The following TAF15 variants were observed in gnomAD, a reference collection of about 807,000 sequenced individuals.
The protein encoded by TAF15 is TATA-box binding protein associated factor 15.
In TAF15, 37 loss-of-function variants were observed where a neutral mutation model predicts 102.5. The observed-to-expected ratio is 0.36, with a 90% CI of 0.28 to 0.47. TAF15 has a LOEUF of 0.47. TAF15 is among the 20% of genes least tolerant of loss of function. The pLI is 0.99. For synonymous variants in TAF15, 273 were observed against 259.2 expected, an observed-to-expected ratio of 1.05 and a Z score of -0.51; for missense variants, 652 against 760.7, an observed-to-expected ratio of 0.86 and a Z score of 1.68.
At chr17:35,813,177 A>G (rs1457611248) in intron 1 of TAF15, among the ~76,000 whole-genome samples, 1 of 152,054 alleles carries the variant, frequency 6.6e-6, no homozygotes, top group Non-Finnish European at 1.5e-5. Flanking sequence ...ATAGATTTGA[A>G]AAAGAATCAA....
chr17:35,813,821 T>G (rs2087157287), intron 1 of TAF15, among the ~76,000 whole-genome samples: 1 of 152,144 alleles, frequency 6.6e-6, no homozygotes, highest in African/African-American at 2.4e-5. Context: ...TACATTGATG[T>G]AAAAATGCAG....
At chr17:35,817,834 G>C in intron 2 of TAF15, 79 bp downstream of exon 2, 2 of 1,221,796 alleles carry the variant, frequency 1.6e-6, no homozygotes, top group Non-Finnish European at 2.4e-6. Flanking sequence ...CTTGAGACTT[G>C]ATGCTGGATG....
At position 35,838,668 on chromosome 17, in the gene TAF15, T is replaced by A. The variant is rs1236834900; in HGVS notation, c.913+115T>A. Reference sequence around the variant, plus strand: ...TATTCATGTTTACTTTTGCAGATATTAAGAATACAGGTCAGAATTTTTATG... The same window carrying A: ...TATTCATGTTTACTTTTGCAGATATAAAGAATACAGGTCAGAATTTTTATG... On this transcript the variant is annotated intron_variant, in intron 11 of 15. Coordinates refer to ENST00000605844, the MANE Select transcript of TAF15 (RefSeq NM_139215.3). The A allele has an allele frequency of 4.0e-6, 6 of 1,488,248 alleles. No individual in the cohort carries two copies. The African/African-American group carries it at 4.1e-5, about 10-fold the overall frequency. 92.2% of individuals were successfully genotyped at this position (1,488,248 alleles called of 1,614,324 possible).
intron 7 of TAF15, among the ~76,000 whole-genome samples, chr17:35,832,386 A>C (rs1434170015): frequency 3.9e-5 from 6 of 152,216 alleles, no homozygotes; most frequent in Non-Finnish European, 8.8e-5. Flanking sequence ...ATTAAAATGC[A>C]TGTGTCTGTA....
chr17:35,824,205 A>C lies in TAF15; in HGVS notation c.605+7A>C. ...GTCCTATGACAGGATCAAGGTAAGT[A>C]TGTAGATAAAGATGCGTACATTTCT... On this transcript the variant is annotated splice_region_variant and intron_variant, in intron 7 of 15. Coordinates refer to ENST00000605844, the MANE Select transcript of TAF15 (RefSeq NM_139215.3). 1.9e-6 allele frequency: 3 copies of C among 1,612,752 alleles called. No individual in the cohort carries two copies. Among genetic ancestry groups the C allele is most frequent in the Non-Finnish European group, 2.5e-6 (3 of 1,179,708 alleles).
intron 2 of TAF15, among the ~76,000 whole-genome samples, chr17:35,819,736 T>C (rs1374561334): frequency 6.6e-6 from 1 of 152,232 alleles, no homozygotes. Flanking sequence ...AGCATAATTC[T>C]CTTGGAATTT....
At chr17:35,817,989 A>G (rs2087214648) in intron 2 of TAF15, among the ~76,000 whole-genome samples, 1 of 151,996 alleles carries the variant, frequency 6.6e-6, no homozygotes, top group South Asian at 2.1e-4. Context: ...GTGGCAAATC[A>G]TAGTGTACTA....
At chr17:35,824,367 A>G (rs2087300565) in intron 7 of TAF15, 169 bp downstream of exon 7, 2 of 878,086 alleles carry the variant, frequency 2.3e-6, no homozygotes, top group Admixed American at 2.9e-5. Flanking sequence ...TTCAGTCTTA[A>G]TATCTCACAT....
chr17:35,829,133 AT>A (rs1401949453), intron 7 of TAF15, among the ~76,000 whole-genome samples: 1 of 152,160 alleles, frequency 6.6e-6, no homozygotes, highest in Admixed American at 6.5e-5. Context: ...AGAAAATTGT[AT>A]TCTGGATTTA....
At chr17:35,835,678 G>A (rs1456401020) in intron 9 of TAF15, among the ~76,000 whole-genome samples, 1 of 152,206 alleles carries the variant, frequency 6.6e-6, no homozygotes, top group Non-Finnish European at 1.5e-5. Context: ...TGCAATGAAT[G>A]GGAAACCAGC....
At chr17:35,813,647 A>G (rs1466124580) in intron 1 of TAF15, among the ~76,000 whole-genome samples, 2 of 128,500 alleles carry the variant, frequency 1.6e-5, no homozygotes, top group Non-Finnish European at 3.3e-5. Context: ...CCCCCCCCGC[A>G]AAAAAAGATT....
intron 2 of TAF15, among the ~76,000 whole-genome samples, chr17:35,817,999 A>G (rs1028635958): frequency 3.3e-5 from 5 of 151,996 alleles, no homozygotes; most frequent in Admixed American, 6.6e-5. Context: ...ATAGTGTACT[A>G]CAGCCTTAAA....
At chr17:35,827,765 G>A (rs1031788279) in intron 7 of TAF15, among the ~76,000 whole-genome samples, 1 of 152,058 alleles carries the variant, frequency 6.6e-6, no homozygotes, top group African/African-American at 2.4e-5. Flanking sequence ...GTAAAGGATG[G>A]GACATTCTTG....
intron 7 of TAF15, among the ~76,000 whole-genome samples, chr17:35,826,104 C>G (rs1366296934): frequency 2.0e-5 from 3 of 152,168 alleles, no homozygotes; most frequent in Non-Finnish European, 2.9e-5. Flanking sequence ...TTATAAACCC[C>G]TTGCAACATA....
intron 6 of TAF15, among the ~76,000 whole-genome samples, 170 bp downstream of exon 6, chr17:35,823,003 C>G (rs899101679): frequency 2.6e-5 from 4 of 152,204 alleles, no homozygotes; most frequent in Admixed American, 1.3e-4. Flanking sequence ...ATTTCTACTT[C>G]TGAACTTGGA....
At chr17:35,845,417 G>A (rs2087612182) in intron 15 of TAF15, among the ~76,000 whole-genome samples, 1 of 151,948 alleles carries the variant, frequency 6.6e-6, no homozygotes, top group Non-Finnish European at 1.5e-5. Context: ...ACCACACCTC[G>A]CCAATTTTTT....
intron 11 of TAF15, among the ~76,000 whole-genome samples, 172 bp downstream of exon 11, chr17:35,838,725 G>T (rs143931938): frequency 6.6e-6 from 1 of 152,198 alleles, no homozygotes; most frequent in Admixed American, 6.5e-5. Flanking sequence ...CTCTATCGTT[G>T]TTGGTCTAGC....
chr17:35,844,703 A>C lies in TAF15; in HGVS notation c.1404A>C (p.Gly468=), dbSNP rs140484493. 1.5e-4 allele frequency: 233 copies of C among 1,600,780 alleles called. No homozygotes were observed. The East Asian group carries it at 2.5e-3, about 17-fold the overall frequency. The change falls in exon 15 of 16, where the codon GGA becomes GGC. Residue 468 remains glycine (G), a synonymous_variant. Transcript: ENST00000605844. The part of the protein sequence containing the change: ...DRGGGYGGDR[G]GGYGGDRGGG... ...GCGGCGGCTATGGTGGGGACAGAGG[A>C]GGCGGCTATGGAGGAGACCGAGGAG...
chr17:35,814,446 G>A (rs1032275028), intron 1 of TAF15, among the ~76,000 whole-genome samples: 21 of 152,088 alleles, frequency 1.4e-4, no homozygotes, highest in Admixed American at 7.9e-4. Context: ...GGGATTACAG[G>A]CGTGAGCAAC....
Sources: gnomAD v4.1 joint callset for allele counts (sites outside exome capture counted in the v4.1 genomes callset) on GRCh38, gnomAD v4.1.1 for gene constraint, MANE v1.5 for transcripts, NCBI Gene and HGNC (gene_info 2026-07-23, HGNC 2026-07-21) for gene names.